The following LINGO2 variants were observed in gnomAD, a reference collection of about 807,000 sequenced individuals.
LINGO2 encodes the protein leucine-rich repeat and immunoglobulin-like domain-containing nogo receptor-interacting protein 2.
LINGO2 carries 14 observed loss-of-function variants against 30.6 expected under a neutral mutation model. That is an observed-to-expected ratio of 0.46 (90% CI 0.30 to 0.72). The LOEUF (loss-of-function observed/expected upper bound fraction) is 0.72, where lower values mean the gene tolerates loss of function less well. LINGO2 is among the 30% of genes least tolerant of loss of function. The probability of loss-of-function intolerance (pLI) is 0.07; values close to 1 mark genes in which losing one functional copy is unlikely to be tolerated. For synonymous variants in LINGO2, 317 were observed against 288.5 expected (o/e 1.10, Z -1.00); for missense variants, 729 against 751.7 (o/e 0.97, Z 0.35).
chr9:29,173,744 C>T, the LINGO2 span, among the ~76,000 whole-genome samples: 1 of 151,978 alleles, frequency 6.6e-6, no homozygotes, highest in African/African-American at 2.4e-5. Context: ...AATAAAACTA[C>T]TTACATAGAT....
At chr9:29,115,772 TA>T in the LINGO2 span, among the ~76,000 whole-genome samples, 1 of 151,982 alleles carries the variant, frequency 6.6e-6, no homozygotes, top group Non-Finnish European at 1.5e-5. Flanking sequence ...ATACGAACAA[TA>T]AAATCAATTT....
chr9:29,002,594 C>A, the LINGO2 span, among the ~76,000 whole-genome samples: 2 of 151,992 alleles, frequency 1.3e-5, no homozygotes, highest in African/African-American at 4.8e-5. Context: ...ATGTGTTGAA[C>A]AATCTCCTCT....
chr9:28,256,030 A>G (rs1822372555), intron 4 of LINGO2, among the ~76,000 whole-genome samples: 1 of 152,054 alleles, frequency 6.6e-6, no homozygotes, highest in Non-Finnish European at 1.5e-5. Flanking sequence ...ACACAGATAT[A>G]TTTCTGAGGG....
At chr9:28,039,071 G>T (rs1343180103) in intron 4 of LINGO2, among the ~76,000 whole-genome samples, 1 of 152,180 alleles carries the variant, frequency 6.6e-6, no homozygotes, top group Non-Finnish European at 1.5e-5. Context: ...AGGAAGTTTA[G>T]GGCAAAGCCA....
intron 1 of LINGO2, among the ~76,000 whole-genome samples, chr9:28,644,487 C>T (rs1257158498): frequency 1.3e-5 from 2 of 150,874 alleles, no homozygotes; most frequent in Non-Finnish European, 3.0e-5. Context: ...CAATTGAACT[C>T]ATATACATAT....
chr9:28,014,097 G>A (rs955224345), intron 4 of LINGO2, among the ~76,000 whole-genome samples: 2 of 152,084 alleles, frequency 1.3e-5, no homozygotes, highest in Non-Finnish European at 2.9e-5. Context: ...TGTGTAGGAC[G>A]TGGTTACCAC....
chr9:28,617,947 C>A (rs765733136), intron 1 of LINGO2, among the ~76,000 whole-genome samples: 2 of 152,132 alleles, frequency 1.3e-5, no homozygotes, highest in Non-Finnish European at 2.9e-5. Context: ...ATGAAGATTT[C>A]TCTAGTGATG....
the LINGO2 span, among the ~76,000 whole-genome samples, chr9:28,885,356 T>TACACACACACACACACACAC: frequency 3.8e-5 from 5 of 132,968 alleles, no homozygotes; most frequent in South Asian, 2.4e-4. Context: ...GAGATATATA[T>TACACACACACACACACACAC]ATATACACAC....
intron 4 of LINGO2, among the ~76,000 whole-genome samples, chr9:28,061,130 A>G (rs916080087): frequency 4.7e-5 from 7 of 150,386 alleles, no homozygotes; most frequent in African/African-American, 1.7e-4. Flanking sequence ...CTTCTAGAGG[A>G]TAAGCTCTGC....
intron 1 of LINGO2, among the ~76,000 whole-genome samples, chr9:28,583,239 A>T (rs918720209): frequency 6.6e-6 from 1 of 152,056 alleles, no homozygotes; most frequent in Non-Finnish European, 1.5e-5. Context: ...CACTATTTAT[A>T]TCATTAGTTT....
chr9:29,122,465 C>T, the LINGO2 span, among the ~76,000 whole-genome samples: 1 of 152,050 alleles, frequency 6.6e-6, no homozygotes, highest in African/African-American at 2.4e-5. Flanking sequence ...TGAGGTAAAT[C>T]ATTGTCATAT....
chr9:29,208,720 AAACATTCCCATTGT>A, the LINGO2 span, among the ~76,000 whole-genome samples: 1 of 152,308 alleles, frequency 6.6e-6, no homozygotes, highest in South Asian at 2.1e-4. Flanking sequence ...GGTAGATATT[AAACATTCCCATTGT>A]ACAGAAATCA....
At chr9:28,379,245 A>G (rs1317484442) in intron 2 of LINGO2, among the ~76,000 whole-genome samples, 1 of 152,114 alleles carries the variant, frequency 6.6e-6, no homozygotes, top group East Asian at 1.9e-4. Flanking sequence ...GGCATTTTAT[A>G]AAAATTGCTG....
intron 4 of LINGO2, among the ~76,000 whole-genome samples, chr9:28,181,167 T>G (rs896539782): frequency 1.3e-5 from 2 of 152,158 alleles, no homozygotes; most frequent in African/African-American, 4.8e-5. Flanking sequence ...GGGGTTCCTT[T>G]GCAAAATCAC....
chr9:28,062,128 T>TC (rs1825163683), intron 4 of LINGO2, among the ~76,000 whole-genome samples: 1 of 152,020 alleles, frequency 6.6e-6, no homozygotes, highest in Non-Finnish European at 1.5e-5. Flanking sequence ...GAAAAAAGAA[T>TC]CCAAGACTGG....
chr9:29,118,836 C>G, the LINGO2 span, among the ~76,000 whole-genome samples: 1 of 152,168 alleles, frequency 6.6e-6, no homozygotes, highest in Admixed American at 6.5e-5. Flanking sequence ...GCTATCCAGA[C>G]TCTGAATCAG....
intron 4 of LINGO2, among the ~76,000 whole-genome samples, chr9:28,095,566 G>A (rs1398064974): frequency 6.6e-6 from 1 of 150,724 alleles, no homozygotes; most frequent in Non-Finnish European, 1.5e-5. Flanking sequence ...AATTCAAGAT[G>A]GATTAAAGAC....
At chr9:28,461,265 T>C (rs1044004797) in intron 2 of LINGO2, among the ~76,000 whole-genome samples, 2 of 152,152 alleles carry the variant, frequency 1.3e-5, no homozygotes, top group African/African-American at 4.8e-5. Flanking sequence ...CAATTCTTGA[T>C]CTGCCTCACT....
intron 5 of LINGO2, among the ~76,000 whole-genome samples, chr9:27,986,903 A>C (rs1821150689): frequency 6.6e-6 from 1 of 151,790 alleles, no homozygotes; most frequent in Admixed American, 6.6e-5. Flanking sequence ...AAGAGCATAA[A>C]AGAGGGCTGG....
Sources: allele counts gnomAD v4.1 joint callset (sites outside exome capture counted in the v4.1 genomes callset), GRCh38; gene constraint gnomAD v4.1.1; transcripts MANE v1.5; gene names NCBI Gene and HGNC (gene_info 2026-07-23, HGNC 2026-07-21).